The following GALNT14 variants were observed in gnomAD, a reference collection of about 807,000 sequenced individuals.
The protein encoded by GALNT14 is polypeptide N-acetylgalactosaminyltransferase 14.
A neutral mutation model predicts 77.5 loss-of-function variants in GALNT14; 60 were observed. That is an observed-to-expected ratio of 0.77 (90% CI 0.63 to 0.96). GALNT14 has a LOEUF of 0.96. GALNT14 is among the 40% of genes least tolerant of loss of function. The pLI is 0.00. For synonymous variants in GALNT14, 280 were observed against 281.7 expected (o/e 0.99, Z 0.06); for missense variants, 710 against 731.0 (o/e 0.97, Z 0.33).
chr2:31,013,585 C>T (rs150659617), intron 1 of GALNT14, among the ~76,000 whole-genome samples: 65 of 152,296 alleles, frequency 4.3e-4, no homozygotes, highest in African/African-American at 1.1e-3. Flanking sequence ...CGTTCAAGTA[C>T]GGACAGCAGG....
At chr2:30,992,561 T>C (rs1445490527) in intron 2 of GALNT14, among the ~76,000 whole-genome samples, 4 of 152,338 alleles carry the variant, frequency 2.6e-5, no homozygotes, top group Admixed American at 2.6e-4. Flanking sequence ...TCGTGTCAAA[T>C]GATCCCTAAG....
chr2:30,968,028 T>C (rs981683748), intron 2 of GALNT14, among the ~76,000 whole-genome samples: 3 of 152,196 alleles, frequency 2.0e-5, no homozygotes, highest in African/African-American at 4.8e-5. Flanking sequence ...AGGTGTTCCA[T>C]ACTCCCCCAA....
chr2:31,138,416 T>A lies in GALNT14; in HGVS notation c.-330A>T. Reference sequence around the variant, plus strand: ...GCTGCCGCCGCCGCCGCCGCCGCCTTGCCCGCTGCCGCCGATAGGGAAACT... The same window carrying A: ...GCTGCCGCCGCCGCCGCCGCCGCCTAGCCCGCTGCCGCCGATAGGGAAACT... On this transcript the variant is annotated 5_prime_UTR_variant, in exon 1 of 15. Transcript: ENST00000349752. 3.9e-6 allele frequency: 1 copy of A among 253,980 alleles called. No individual in the cohort carries two copies. Among genetic ancestry groups the A allele is most frequent in the South Asian group, 3.8e-5 (1 of 25,978 alleles). 15.7% of individuals were successfully genotyped at this position (253,980 alleles called of 1,614,324 possible).
intron 1 of GALNT14, among the ~76,000 whole-genome samples, chr2:31,137,250 G>T (rs1679265702): frequency 6.6e-6 from 1 of 152,246 alleles, no homozygotes; most frequent in Admixed American, 6.5e-5. Flanking sequence ...CTGAAGGTAA[G>T]AGTGAGCCTA....
chr2:30,897,721 T>C, the GALNT14 span, among the ~76,000 whole-genome samples: 1 of 152,200 alleles, frequency 6.6e-6, no homozygotes, highest in African/African-American at 2.4e-5. Context: ...ACCCGTTTCC[T>C]GTGCAGAGGC....
chr2:31,137,878 G>C lies in GALNT14; in HGVS notation c.129+80C>G, dbSNP rs556430455. On this transcript the variant is annotated intron_variant, in intron 1 of 14. Transcript: ENST00000349752. ...CCAGACCCTCGCCCTGGTTTCCCGGGAGCCCGCAAACCCGGCACGCGGGCT... is the reference window on the plus strand; with the variant it reads ...CCAGACCCTCGCCCTGGTTTCCCGGCAGCCCGCAAACCCGGCACGCGGGCT... 110 of 1,520,198 alleles carry C rather than the reference G, an allele frequency of 7.2e-5. 1 individual carries two copies. The highest frequency in any genetic ancestry group is 1.7e-4 in the Middle Eastern group (1 of 5,770). 94.2% of individuals were successfully genotyped at this position (1,520,198 alleles called of 1,614,324 possible).
intron 9 of GALNT14, among the ~76,000 whole-genome samples, chr2:30,935,483 A>G (rs1235309252): frequency 7.2e-5 from 11 of 152,244 alleles, no homozygotes; most frequent in Admixed American, 4.6e-4. Flanking sequence ...AGGAACCTGC[A>G]GCCGAGATGA....
chr2:30,979,100 A>C (rs979754245), intron 2 of GALNT14, among the ~76,000 whole-genome samples: 2 of 152,192 alleles, frequency 1.3e-5, no homozygotes, highest in Admixed American at 1.3e-4. Context: ...TGGTGACAGG[A>C]GCTGTGTGCC....
chr2:31,080,194 TACTC>T (rs1293777159), intron 1 of GALNT14, among the ~76,000 whole-genome samples: 1 of 152,196 alleles, frequency 6.6e-6, no homozygotes, highest in Non-Finnish European at 1.5e-5. Context: ...ATTGGACTGA[TACTC>T]AGCACCTTAG....
chr2:30,992,685 A>G (rs1340986451), intron 2 of GALNT14, among the ~76,000 whole-genome samples, 153 bp downstream of exon 2: 1 of 152,196 alleles, frequency 6.6e-6, no homozygotes, highest in Non-Finnish European at 1.5e-5. Flanking sequence ...GCCAGGGTCA[A>G]TCACCAAATC....
chr2:30,912,085 T>A, intron 14 of GALNT14, 138 bp downstream of exon 14: 1 of 1,094,852 alleles, frequency 9.1e-7, no homozygotes, highest in Admixed American at 2.1e-5. Flanking sequence ...GGCAGCACTT[T>A]CCCTCCCTCT....
the GALNT14 span, among the ~76,000 whole-genome samples, chr2:30,890,615 G>A: frequency 2.6e-5 from 4 of 152,232 alleles, no homozygotes; most frequent in East Asian, 3.9e-4. Context: ...TTCTAGATTT[G>A]ACTTCCCCTT....
At chr2:31,102,384 A>C (rs890690172) in intron 1 of GALNT14, among the ~76,000 whole-genome samples, 3 of 152,004 alleles carry the variant, frequency 2.0e-5, no homozygotes, top group African/African-American at 7.2e-5. Context: ...CTGCAATTTC[A>C]GTTTTTCTTT....
At chr2:30,995,432 G>T (rs1235148462) in intron 1 of GALNT14, among the ~76,000 whole-genome samples, 1 of 152,106 alleles carries the variant, frequency 6.6e-6, no homozygotes, top group South Asian at 2.1e-4. Flanking sequence ...TGTGTGGTAG[G>T]CTCTACCATC....
intron 1 of GALNT14, among the ~76,000 whole-genome samples, chr2:31,131,677 T>C (rs1456551259): frequency 6.6e-6 from 1 of 152,142 alleles, no homozygotes; most frequent in East Asian, 1.9e-4. Flanking sequence ...GTGTAGGATG[T>C]AGGCACAGGA....
At chr2:31,045,667 T>C (rs1673405482) in intron 1 of GALNT14, among the ~76,000 whole-genome samples, 1 of 152,148 alleles carries the variant, frequency 6.6e-6, no homozygotes, top group African/African-American at 2.4e-5. Context: ...TTCACCATGT[T>C]GGCCAGGCTG....
intron 2 of GALNT14, among the ~76,000 whole-genome samples, chr2:30,989,304 A>G (rs369909422): frequency 6.6e-6 from 1 of 151,530 alleles, no homozygotes; most frequent in African/African-American, 2.4e-5. Flanking sequence ...TGACCTTGAA[A>G]CCCACCTCTG....
At chr2:31,094,920 G>T (rs1676927970) in intron 1 of GALNT14, among the ~76,000 whole-genome samples, 1 of 152,132 alleles carries the variant, frequency 6.6e-6, no homozygotes, top group Admixed American at 6.6e-5. Flanking sequence ...GATTGGACCA[G>T]GAGCCAGGTC....
rs572553835 is a variant in GALNT14, at chr2:31,037,803, C to T, written c.130-44796G>A. On this transcript the variant is annotated intron_variant, in intron 1 of 14. Transcript: ENST00000349752. ...ACGTCTCCCAGACTTCGCTGAGAGG[C>T]TCTGTGTGTGTGTTGGAGCACACTT... is the stretch of plus-strand genomic sequence containing the variant. Among the ~76,000 whole-genome samples, 7 of 151,908 alleles carry T rather than the reference C, an allele frequency of 4.6e-5. No homozygotes were observed. The South Asian group carries it at 1.5e-3, about 32-fold the overall frequency.
Sources: allele counts gnomAD v4.1 joint callset (sites outside exome capture counted in the v4.1 genomes callset), GRCh38; gene constraint gnomAD v4.1.1; transcripts MANE v1.5; gene names NCBI Gene and HGNC (gene_info 2026-07-23, HGNC 2026-07-21).